Variants in TANC1 observed in about 807,000 individuals in gnomAD.
The protein encoded by TANC1 is tetratricopeptide repeat, ankyrin repeat and coiled-coil containing 1.
Under a neutral mutation model 149.7 loss-of-function variants are expected in TANC1, and 77 were observed. The ratio of observed to expected loss-of-function variants is 0.51; its 90% CI spans 0.43 to 0.62. TANC1 has a LOEUF of 0.62. Ranked by LOEUF, TANC1 falls within the 20% of genes least tolerant of loss-of-function variation. The pLI is 0.00. For missense variants in TANC1, 1,985 were observed against 2,321.8 expected, an observed-to-expected ratio of 0.85 and a Z score of 2.98; for synonymous variants, 854 against 925.0, an observed-to-expected ratio of 0.92 and a Z score of 1.39.
intron 3 of TANC1, among the ~76,000 whole-genome samples, chr2:159,081,465 T>C (rs2044264616): frequency 6.6e-6 from 1 of 151,968 alleles, no homozygotes; most frequent in African/African-American, 2.4e-5. Flanking sequence ...TGGCAGGGAC[T>C]GGTGCTCCTA....
intron 4 of TANC1, among the ~76,000 whole-genome samples, chr2:159,130,913 G>A (rs1391935641): frequency 6.6e-6 from 1 of 152,086 alleles, no homozygotes; most frequent in Non-Finnish European, 1.5e-5. Flanking sequence ...CCTGCCTGGT[G>A]GTCCTTGGCT....
chr2:159,216,065 G>A (rs940923903), intron 19 of TANC1, among the ~76,000 whole-genome samples: 3 of 152,176 alleles, frequency 2.0e-5, no homozygotes, highest in Non-Finnish European at 4.4e-5. Flanking sequence ...TACTCGTAGC[G>A]TCAGCCTGTT....
At chr2:159,108,243 A>T (rs1241921406) in intron 4 of TANC1, among the ~76,000 whole-genome samples, 1 of 152,182 alleles carries the variant, frequency 6.6e-6, no homozygotes, top group Admixed American at 6.5e-5. Flanking sequence ...GCGCTGAGCA[A>T]AAGGGAGTGT....
chr2:159,133,440 C>G (rs1035424628), intron 4 of TANC1, among the ~76,000 whole-genome samples: 17 of 151,606 alleles, frequency 1.1e-4, no homozygotes, highest in Non-Finnish European at 2.1e-4. Context: ...CTGTAGCCTC[C>G]AACTCCTGGG....
chr2:158,986,478 G>A (rs2035013548), intron 1 of TANC1, among the ~76,000 whole-genome samples: 1 of 152,166 alleles, frequency 6.6e-6, no homozygotes, highest in African/African-American at 2.4e-5. Context: ...GAATTTGTAG[G>A]AGGGCATGGT....
intron 1 of TANC1, among the ~76,000 whole-genome samples, chr2:158,973,527 A>G (rs2033207336): frequency 6.6e-6 from 1 of 152,200 alleles, no homozygotes; most frequent in Admixed American, 6.5e-5. Context: ...CACATCCAGA[A>G]TTGGCCTTTT....
chr2:159,213,915 C>T (rs964484340), intron 19 of TANC1, among the ~76,000 whole-genome samples: 9 of 151,924 alleles, frequency 5.9e-5, no homozygotes, highest in African/African-American at 2.2e-4. Context: ...CACCTGAGGT[C>T]AGGAGTTCGA....
At chr2:158,974,399 C>G (rs1250477212) in intron 1 of TANC1, among the ~76,000 whole-genome samples, 1 of 152,156 alleles carries the variant, frequency 6.6e-6, no homozygotes, top group Non-Finnish European at 1.5e-5. Context: ...GTATTATTTG[C>G]ATATAGCTTA....
chr2:158,973,007 C>T (rs1203947528), intron 1 of TANC1, among the ~76,000 whole-genome samples: 1 of 152,148 alleles, frequency 6.6e-6, no homozygotes, highest in Non-Finnish European at 1.5e-5. Context: ...AGCTGTGTTG[C>T]TGATGGAACT....
intron 12 of TANC1, among the ~76,000 whole-genome samples, chr2:159,175,491 G>C (rs556834464): frequency 6.6e-6 from 1 of 152,178 alleles, no homozygotes; most frequent in East Asian, 1.9e-4. Flanking sequence ...ACAGAAGACT[G>C]TTGCGTATTT....
chr2:159,080,831 C>T (rs1362104348), intron 3 of TANC1, among the ~76,000 whole-genome samples: 1 of 152,318 alleles, frequency 6.6e-6, no homozygotes, highest in African/African-American at 2.4e-5. Context: ...TTTCTGATGC[C>T]TTCCGTGGCA....
chr2:159,189,833 G>A (rs1374654056), intron 16 of TANC1, among the ~76,000 whole-genome samples: 1 of 152,184 alleles, frequency 6.6e-6, no homozygotes, highest in Non-Finnish European at 1.5e-5. Context: ...CAAGAGTGGG[G>A]CCAGGGTATT....
rs1236720921 is a variant in TANC1, at chr2:159,175,733, C to T, written c.1735+549C>T. ...CACCTTTTGAGCTTGTTTACTTGCC[C>T]ACATGGCACCTCTGCTGGAAGGTGC... is the stretch of plus-strand genomic sequence containing the variant. On this transcript the variant is annotated intron_variant, in intron 12 of 26. Coordinates refer to ENST00000263635, the MANE Select transcript of TANC1 (RefSeq NM_033394.3). Among the ~76,000 whole-genome samples, 3 of 152,138 alleles carry T rather than the reference C, an allele frequency of 2.0e-5. No homozygotes were observed. In the East Asian group the frequency reaches 5.8e-4, roughly 29 times the overall value.
At chr2:158,985,911 G>C (rs574940957) in intron 1 of TANC1, among the ~76,000 whole-genome samples, 30 of 152,168 alleles carry the variant, frequency 2.0e-4, no homozygotes, top group Non-Finnish European at 3.1e-4. Flanking sequence ...AAAGTGCTGC[G>C]ATTATAAGCA....
intron 2 of TANC1, among the ~76,000 whole-genome samples, chr2:159,051,418 A>G (rs2041453538): frequency 6.6e-6 from 1 of 152,230 alleles, no homozygotes; most frequent in Non-Finnish European, 1.5e-5. Context: ...AAGAGAAATG[A>G]TGACAGAATC....
intron 19 of TANC1, among the ~76,000 whole-genome samples, chr2:159,216,113 G>A (rs1162866425): frequency 1.3e-5 from 2 of 152,132 alleles, no homozygotes; most frequent in Admixed American, 6.5e-5. Context: ...TGCTAGCAGG[G>A]TGCAAGCTTT....
At chr2:159,025,437 T>G (rs2039256932) in intron 2 of TANC1, among the ~76,000 whole-genome samples, 1 of 152,122 alleles carries the variant, frequency 6.6e-6, no homozygotes, top group Admixed American at 6.6e-5. Context: ...ACCTTTGACC[T>G]ATATTTTATC....
intron 3 of TANC1, among the ~76,000 whole-genome samples, chr2:159,096,145 T>C (rs1453402891): frequency 6.6e-6 from 1 of 152,200 alleles, no homozygotes; most frequent in Non-Finnish European, 1.5e-5. Context: ...AGTTTGAAGA[T>C]GCTTTTTAAG....
intron 4 of TANC1, among the ~76,000 whole-genome samples, chr2:159,112,537 T>C (rs1274549324): frequency 6.7e-5 from 10 of 149,532 alleles, no homozygotes; most frequent in African/African-American, 2.0e-4. Flanking sequence ...ATTACAGGCG[T>C]GAGCCACTGC....
Sources: allele counts gnomAD v4.1 joint callset (sites outside exome capture counted in the v4.1 genomes callset), GRCh38; gene constraint gnomAD v4.1.1; transcripts MANE v1.5; gene names NCBI Gene and HGNC (gene_info 2026-07-23, HGNC 2026-07-21).